The following ANKS1B variants were observed in gnomAD, a reference collection of about 807,000 sequenced individuals.
ANKS1B encodes ankyrin repeat and sterile alpha motif domain containing 1B.
In ANKS1B, 36 loss-of-function variants were observed where a neutral mutation model predicts 148.3. That is an observed-to-expected ratio of 0.24 (90% CI 0.19 to 0.32). The LOEUF is 0.32. ANKS1B is among the 10% of genes least tolerant of loss of function. ANKS1B has a pLI of 1.00. For synonymous variants in ANKS1B, 542 were observed against 560.8 expected (o/e 0.97, Z 0.47); for missense variants, 1,157 against 1,542.6 (o/e 0.75, Z 4.19).
chr12:99,124,544 T>A (rs2063773182), intron 15 of ANKS1B, among the ~76,000 whole-genome samples: 1 of 152,140 alleles, frequency 6.6e-6, no homozygotes, highest in South Asian at 2.1e-4. Context: ...ATAAAATCTC[T>A]TTATAGATTT....
At chr12:99,107,910 A>AT (rs5800376) in intron 15 of ANKS1B, among the ~76,000 whole-genome samples, 85,718 of 151,956 alleles carry the variant, frequency 0.56, 25,095 homozygotes, top group East Asian at 0.75. Flanking sequence ...TAAAACAAAG[A>AT]TTTTTTTAAA....
intron 12 of ANKS1B, among the ~76,000 whole-genome samples, chr12:99,345,222 G>A (rs1592743184): frequency 6.6e-6 from 1 of 152,052 alleles, no homozygotes; most frequent in Non-Finnish European, 1.5e-5. Context: ...CAATCACTCA[G>A]TAAAGGAGTC....
chr12:99,460,835 G>A (rs12311348), intron 10 of ANKS1B, among the ~76,000 whole-genome samples: 5,820 of 151,986 alleles, frequency 0.038, 394 homozygotes, highest in African/African-American at 0.13. Context: ...AAACAGTGTG[G>A]AGATTCCTCA....
intron 12 of ANKS1B, among the ~76,000 whole-genome samples, chr12:99,366,366 T>G (rs2092768410): frequency 6.6e-6 from 1 of 152,202 alleles, no homozygotes; most frequent in African/African-American, 2.4e-5. Flanking sequence ...TTGCTTTTGC[T>G]AGCCTGTAGG....
At chr12:99,452,174 G>T (rs2095753494) in intron 10 of ANKS1B, among the ~76,000 whole-genome samples, 1 of 152,028 alleles carries the variant, frequency 6.6e-6, no homozygotes, top group African/African-American at 2.4e-5. Context: ...GCAGCCACAG[G>T]AAATATATAA....
chr12:99,853,664 T>G (rs761246120), intron 1 of ANKS1B, among the ~76,000 whole-genome samples: 2 of 152,116 alleles, frequency 1.3e-5, no homozygotes, highest in African/African-American at 2.4e-5. Context: ...AAAACAAAGT[T>G]CTTTAACACC....
At chr12:99,248,199 G>A (rs1482233713) in intron 12 of ANKS1B, among the ~76,000 whole-genome samples, 3 of 152,120 alleles carry the variant, frequency 2.0e-5, no homozygotes, top group African/African-American at 7.2e-5. Context: ...ATTAGACATT[G>A]GCTCAGAAGA....
At chr12:99,141,105 T>G (rs994480123) in intron 15 of ANKS1B, among the ~76,000 whole-genome samples, 5 of 152,128 alleles carry the variant, frequency 3.3e-5, no homozygotes, top group Admixed American at 1.3e-4. Flanking sequence ...CCATCCTTCT[T>G]TCTTTTCCAA....
intron 11 of ANKS1B, among the ~76,000 whole-genome samples, chr12:99,407,967 A>G (rs2094571552): frequency 6.8e-6 from 1 of 146,322 alleles, no homozygotes; most frequent in African/African-American, 2.6e-5. Context: ...CAAAATACTA[A>G]TGATATTCTT....
At chr12:99,263,603 T>C (rs1271714440) in intron 12 of ANKS1B, among the ~76,000 whole-genome samples, 2 of 152,170 alleles carry the variant, frequency 1.3e-5, no homozygotes, top group East Asian at 3.8e-4. Flanking sequence ...TCTGTGTCCC[T>C]ACCCAAATCT....
intron 17 of ANKS1B, among the ~76,000 whole-genome samples, chr12:98,984,452 A>T (rs1455316715): frequency 1.3e-5 from 2 of 152,094 alleles, no homozygotes; most frequent in East Asian, 3.9e-4. Context: ...CTCTCCTTTC[A>T]CAATTTACTA....
intron 17 of ANKS1B, among the ~76,000 whole-genome samples, chr12:98,951,408 T>G (rs1401941795): frequency 6.6e-6 from 1 of 152,216 alleles, no homozygotes; most frequent in Non-Finnish European, 1.5e-5. Flanking sequence ...TTCATCCACG[T>G]CACCAATATT....
chr12:99,942,602 T>A (rs2094948395), intron 1 of ANKS1B, among the ~76,000 whole-genome samples: 1 of 152,164 alleles, frequency 6.6e-6, no homozygotes, highest in South Asian at 2.1e-4. Flanking sequence ...AAGCAACATT[T>A]TTTTTAGAAC....
intron 9 of ANKS1B, among the ~76,000 whole-genome samples, chr12:99,538,730 A>G (rs1263727236): frequency 6.6e-6 from 1 of 152,056 alleles, no homozygotes; most frequent in East Asian, 1.9e-4. Flanking sequence ...GGCCCTTTAT[A>G]TCTTTCTGTT....
intron 12 of ANKS1B, among the ~76,000 whole-genome samples, chr12:99,388,816 G>A (rs191153469): frequency 6.6e-6 from 1 of 152,210 alleles, no homozygotes; most frequent in Non-Finnish European, 1.5e-5. Flanking sequence ...GCAACAAAGA[G>A]AGAGAAATTC....
chr12:99,374,524 ATAGAG>A (rs1328058942), intron 12 of ANKS1B, among the ~76,000 whole-genome samples: 1 of 152,202 alleles, frequency 6.6e-6, no homozygotes, highest in Admixed American at 6.5e-5. Context: ...CTCCGAAATA[ATAGAG>A]TAAATAATTG....
intron 17 of ANKS1B, among the ~76,000 whole-genome samples, chr12:98,949,378 T>C (rs1385554715): frequency 2.0e-5 from 3 of 152,148 alleles, no homozygotes; most frequent in African/African-American, 7.2e-5. Flanking sequence ...TGAGCAAAAC[T>C]GGACCTAGTT....
In ANKS1B at chr12:99,501,726, A is replaced by G. The variant is rs115468093; in HGVS notation, c.1438+2750T>C. The stretch of plus-strand genomic sequence containing the variant: ...ATTTGTTTTCAGTATCCAAAGCCAC[A>G]GAAGTCTTGAGCACTGAAGTTCATT... On this transcript the variant is annotated intron_variant, in intron 10 of 26. Transcript: ENST00000683438. 7.9e-3 allele frequency among the ~76,000 whole-genome samples: 1,197 copies of G among 152,268 alleles called. 11 individuals are homozygous for G. The highest frequency in any genetic ancestry group is 0.027 in the African/African-American group (1,116 of 41,554).
In ANKS1B at chr12:99,244,335, G is replaced by T; in HGVS notation, c.2419+7C>A. On this transcript the variant is annotated splice_region_variant and intron_variant, in intron 14 of 26. Transcript: ENST00000683438. ...ATTCATTATAATGTAGAGGAAGGTT[G>T]CCTTACTTGTGGTCTCACCATTCAT... 6.3e-7 allele frequency: 1 copy of T among 1,593,158 alleles called. No individual in the cohort carries two copies. The highest frequency in any genetic ancestry group is 8.6e-7 in the Non-Finnish European group (1 of 1,166,512).
Sources: gnomAD v4.1 joint callset for allele counts (sites outside exome capture counted in the v4.1 genomes callset) on GRCh38, gnomAD v4.1.1 for gene constraint, MANE v1.5 for transcripts, NCBI Gene and HGNC (gene_info 2026-07-23, HGNC 2026-07-21) for gene names.